The following ACTN4 variants were observed in gnomAD, a reference collection of about 807,000 sequenced individuals.
ACTN4 encodes alpha-actinin-4.
ACTN4 carries 18 observed loss-of-function variants against 114.2 expected under a neutral mutation model. That is an observed-to-expected ratio of 0.16 (90% CI 0.11 to 0.23). ACTN4 has a LOEUF of 0.23. Among genes scored for constraint, ACTN4 ranks in the 10% least tolerant of loss-of-function variants. ACTN4 has a pLI of 1.00. For synonymous variants in ACTN4, 515 were observed against 506.3 expected, an observed-to-expected ratio of 1.02 and a Z score of -0.23; for missense variants, 722 against 1,262.9, an observed-to-expected ratio of 0.57 and a Z score of 6.49.
intron 1 of ACTN4, among the ~76,000 whole-genome samples, chr19:38,674,219 C>A (rs1967303516): frequency 6.6e-6 from 1 of 152,024 alleles, no homozygotes; most frequent in African/African-American, 2.4e-5. Flanking sequence ...GAGTTAGAGC[C>A]AACCTCAGAG....
chr19:38,714,066 T>A (rs1233016154), intron 8 of ACTN4, among the ~76,000 whole-genome samples: 1 of 152,148 alleles, frequency 6.6e-6, no homozygotes, highest in Non-Finnish European at 1.5e-5. Context: ...GCGCCCCTGC[T>A]CTGTTGCCCC....
chr19:38,708,217 T>C, intron 6 of ACTN4, 22 bp downstream of exon 6: 1 of 1,613,534 alleles, frequency 6.2e-7, no homozygotes, highest in Non-Finnish European at 8.5e-7. Flanking sequence ...CAGCTCCCCT[T>C]GATGGCCCAC....
At chr19:38,676,158 T>C (rs1254166823) in intron 1 of ACTN4, among the ~76,000 whole-genome samples, 1 of 152,202 alleles carries the variant, frequency 6.6e-6, no homozygotes, top group African/African-American at 2.4e-5. Context: ...TGGGAATCTT[T>C]ATTCAACTAG....
At chr19:38,660,464 T>G (rs1451455934) in intron 1 of ACTN4, among the ~76,000 whole-genome samples, 2 of 152,000 alleles carry the variant, frequency 1.3e-5, no homozygotes, top group African/African-American at 4.8e-5. Context: ...GGCGTGTTCT[T>G]GGCTCACTGC....
intron 2 of ACTN4, 41 bp from the exon 3 acceptor site, chr19:38,700,960 CT>C: frequency 6.2e-7 from 1 of 1,608,860 alleles, no homozygotes; most frequent in Non-Finnish European, 8.5e-7. Context: ...CCCTTTCTCT[CT>C]CTCTGTCTCG....
chr19:38,701,270 A>C (rs1968266931), intron 3 of ACTN4, 149 bp downstream of exon 3: 2 of 1,347,542 alleles, frequency 1.5e-6, no homozygotes, highest in Non-Finnish European at 2.0e-6. Context: ...AGTGATCACA[A>C]CAACTGCTCT....
intron 1 of ACTN4, among the ~76,000 whole-genome samples, chr19:38,665,830 G>T (rs1017106432): frequency 6.6e-6 from 1 of 152,056 alleles, no homozygotes; most frequent in African/African-American, 2.4e-5. Flanking sequence ...TCAGCCGGGG[G>T]GCTCTTTCCC....
chr19:38,718,693 C>T (rs112610044), intron 11 of ACTN4, among the ~76,000 whole-genome samples: 1 of 152,200 alleles, frequency 6.6e-6, no homozygotes, highest in South Asian at 2.1e-4. Flanking sequence ...TCCAGCACTT[C>T]AGGGAAGTGA....
At chr19:38,665,566 C>G (rs1401866471) in intron 1 of ACTN4, among the ~76,000 whole-genome samples, 1 of 152,118 alleles carries the variant, frequency 6.6e-6, no homozygotes, top group Non-Finnish European at 1.5e-5. Flanking sequence ...TCCAGTGCTC[C>G]CCAGGAAGCG....
At position 38,710,243 on chromosome 19, in the gene ACTN4, T is replaced by A; in HGVS notation, c.734-14T>A. 3 of 1,614,040 alleles carry A rather than the reference T, an allele frequency of 1.9e-6. No individual in the cohort carries two copies. In the East Asian group the frequency reaches 6.7e-5, roughly 36 times the overall value. Reference sequence around the variant, plus strand: ...CCCTACTCGGGCAGTTTAACCCTTGTTGTTCACTTGCAGACATCGTGAACA... The same window carrying A: ...CCCTACTCGGGCAGTTTAACCCTTGATGTTCACTTGCAGACATCGTGAACA... On this transcript the variant is annotated splice_polypyrimidine_tract_variant and intron_variant, in intron 7 of 20. Coordinates refer to ENST00000252699, the MANE Select transcript of ACTN4 (RefSeq NM_004924.6).
chr19:38,700,952 C>G (rs776298233), intron 2 of ACTN4, 50 bp from the exon 3 acceptor site: 1 of 1,607,042 alleles, frequency 6.2e-7, no homozygotes, highest in Admixed American at 1.7e-5. Flanking sequence ...CCCTCTCTCC[C>G]TTTCTCTCTC....
intron 1 of ACTN4, among the ~76,000 whole-genome samples, chr19:38,698,936 C>G (rs1291663878): frequency 6.6e-6 from 1 of 152,196 alleles, no homozygotes; most frequent in Non-Finnish European, 1.5e-5. Context: ...TTGGTCAGAG[C>G]CCCCGTAGAA....
chr19:38,705,988 T>C (rs1313853949), intron 4 of ACTN4, 56 bp from the exon 5 acceptor site: 1 of 1,590,354 alleles, frequency 6.3e-7, no homozygotes, highest in African/African-American at 1.3e-5. Flanking sequence ...CAACTTGGGC[T>C]GAGTTCTGAG....
At chr19:38,671,590 A>C (rs6508813) in intron 1 of ACTN4, among the ~76,000 whole-genome samples, 104,223 of 152,110 alleles carry the variant, frequency 0.69, 36,509 homozygotes, top group South Asian at 0.84. Context: ...TTTCTTATTG[A>C]TAGGAGAGTT....
intron 8 of ACTN4, 36 bp from the exon 9 acceptor site, chr19:38,714,432 AG>A: frequency 6.2e-7 from 1 of 1,602,180 alleles, no homozygotes; most frequent in Non-Finnish European, 8.5e-7. Flanking sequence ...GAGGGTGGCC[AG>A]CCCCCAGGCA....
intron 1 of ACTN4, among the ~76,000 whole-genome samples, chr19:38,695,865 C>T (rs565432890): frequency 3.3e-4 from 51 of 152,266 alleles, no homozygotes; most frequent in African/African-American, 1.2e-3. Flanking sequence ...ATGCTGACCG[C>T]ACTCTTCAGC....
chr19:38,718,336 G>C, intron 11 of ACTN4: 4 of 641,600 alleles, frequency 6.2e-6, no homozygotes, highest in South Asian at 6.2e-5. Flanking sequence ...AGACCAGCCT[G>C]GGCAACATAG....
Position 38,723,963 on chromosome 19 carries a change from C to T in ACTN4, c.1578C>T (p.Ile526=), listed in dbSNP as rs370343728. 7 of 1,613,396 alleles carry T rather than the reference C, an allele frequency of 4.3e-6. No individual in the cohort carries two copies. The highest frequency in any genetic ancestry group is 2.7e-5 in the African/African-American group (2 of 74,848). The change falls in exon 14 of 21, where the codon ATC becomes ATT. Residue 526 remains isoleucine, a synonymous_variant. Coordinates refer to ENST00000252699, the MANE Select transcript of ACTN4 (RefSeq NM_004924.6). ...AAACAGAGAAGCAGCTGGAGGCCAT[C>T]GACCAGCTGCACCTGGAATACGCCA... is the stretch of plus-strand genomic sequence containing the variant. ...LEKTEKQLEA[I]DQLHLEYAKR... is the part of the protein sequence containing the mutation.
At chr19:38,710,373 G>A (rs1374526885) in intron 8 of ACTN4, 31 bp downstream of exon 8, 9 of 1,606,260 alleles carry the variant, frequency 5.6e-6, no homozygotes, top group Admixed American at 3.3e-5. Context: ...GGCCCTCCTC[G>A]CCGCCACCGC....
Sources: allele counts gnomAD v4.1 joint callset (sites outside exome capture counted in the v4.1 genomes callset), GRCh38; gene constraint gnomAD v4.1.1; transcripts MANE v1.5; gene names NCBI Gene and HGNC (gene_info 2026-07-23, HGNC 2026-07-21).